Variants in PCDHA5 observed in about 807,000 individuals in gnomAD.
PCDHA5 encodes protocadherin alpha 5, also known as protocadherin alpha-5.
A neutral mutation model predicts 61.6 loss-of-function variants in PCDHA5; 43 were observed. The observed-to-expected ratio is 0.70, with a 90% CI of 0.55 to 0.90. PCDHA5 has a LOEUF of 0.90. Ranked by LOEUF, PCDHA5 falls within the 40% of genes least tolerant of loss-of-function variation. The pLI, the probability that PCDHA5 is intolerant of heterozygous loss-of-function variation, is 0.00. For synonymous variants in PCDHA5, 627 were observed against 543.9 expected (o/e 1.15, Z -2.13); for missense variants, 1,298 against 1,222.7 (o/e 1.06, Z -0.92).
At chr5:140,862,433 G>A (rs781821294) in intron 1 of PCDHA5, 31 of 354,884 alleles carry the variant, frequency 8.7e-5, no homozygotes, top group Admixed American at 2.6e-4. Context: ...GAAACTATTC[G>A]TTGGTACTCC....
At position 140,830,020 on chromosome 5, in the gene PCDHA5, G is replaced by C. The variant is rs2150179706; in HGVS notation, c.2352+5893G>C. On this transcript the variant is annotated intron_variant, in intron 1 of 3. Transcript: ENST00000529859. ...GTGTCCTGGACGAAGCGGACTCTCC[G>C]CGCCACCGGCTGCTGGTGCTGGTGA... 3 of 1,613,872 alleles carry C rather than the reference G, an allele frequency of 1.9e-6. No homozygotes were observed. The East Asian group carries it at 6.7e-5, about 36-fold the overall frequency.
At chr5:140,942,527 AACTC>A (rs1420689882) in intron 1 of PCDHA5, among the ~76,000 whole-genome samples, 2 of 152,162 alleles carry the variant, frequency 1.3e-5, no homozygotes, top group Non-Finnish European at 2.9e-5. Flanking sequence ...GGAAGCAACT[AACTC>A]AGTATGGTGG....
chr5:140,895,786 A>G (rs2065159984), intron 1 of PCDHA5, among the ~76,000 whole-genome samples: 2 of 152,080 alleles, frequency 1.3e-5, no homozygotes, highest in Non-Finnish European at 2.9e-5. Context: ...GTATTCAATG[A>G]CGTATATGTA....
At chr5:140,870,692 T>C (rs1321391908) in intron 1 of PCDHA5, 2 of 1,612,828 alleles carry the variant, frequency 1.2e-6, no homozygotes, top group African/African-American at 1.3e-5. Flanking sequence ...CTGGAGCTGC[T>C]ACAGTTCCAG....
intron 1 of PCDHA5, among the ~76,000 whole-genome samples, chr5:140,954,014 A>G (rs782347890): frequency 1.3e-5 from 2 of 152,038 alleles, no homozygotes; most frequent in African/African-American, 4.8e-5. Context: ...CAGCTCCCAC[A>G]CATAGTGGGA....
intron 1 of PCDHA5, among the ~76,000 whole-genome samples, chr5:140,920,225 G>A (rs80019196): frequency 2.9e-3 from 441 of 151,762 alleles, no homozygotes; most frequent in African/African-American, 0.01. Flanking sequence ...CACATTTATA[G>A]TATTATATAC....
intron 1 of PCDHA5, among the ~76,000 whole-genome samples, chr5:140,900,338 C>T (rs145242611): frequency 0.027 from 4,159 of 152,082 alleles, 89 homozygotes; most frequent in Non-Finnish European, 0.044. Flanking sequence ...AGTACCGTGG[C>T]GCAATCTTGG....
At chr5:141,000,415 A>T (rs1462372394) in intron 3 of PCDHA5, among the ~76,000 whole-genome samples, 8 of 87,370 alleles carry the variant, frequency 9.2e-5, no homozygotes, top group African/African-American at 2.5e-4. Flanking sequence ...ATATATATAT[A>T]TATATATTTT....
intron 1 of PCDHA5, among the ~76,000 whole-genome samples, chr5:140,840,883 G>A (rs1212935487): frequency 2.6e-5 from 4 of 151,906 alleles, no homozygotes; most frequent in Non-Finnish European, 5.9e-5. Context: ...TTACATTTCT[G>A]ATATCCATGA....
intron 1 of PCDHA5, among the ~76,000 whole-genome samples, chr5:140,908,903 C>T (rs116633080): frequency 2.5e-3 from 374 of 152,278 alleles, no homozygotes; most frequent in African/African-American, 8.5e-3. Context: ...AAGCCTCTTT[C>T]GTGGTTGTAG....
intron 1 of PCDHA5, among the ~76,000 whole-genome samples, chr5:140,827,019 A>G (rs139009189): frequency 3.3e-5 from 5 of 152,362 alleles, no homozygotes; most frequent in Admixed American, 3.3e-4. Flanking sequence ...CATTAAAAAT[A>G]TGAATTTAAA....
rs1261636098 is a variant in PCDHA5, at chr5:140,968,913, C to G, written c.2353-10036C>G. 6.8e-6 allele frequency: 11 copies of G among 1,614,036 alleles called. No homozygotes were observed. Among genetic ancestry groups the G allele is most frequent in the Non-Finnish European group, 8.5e-6 (10 of 1,180,044 alleles). On this transcript the variant is annotated intron_variant, in intron 1 of 3. Transcript: ENST00000529859. ...CTAATAATAGCATTAAGCACAGTGT[C>G]TTTTATATTTCTTTTGACAATCATC...
chr5:140,863,074 A>G lies in PCDHA5; in HGVS notation c.2352+38947A>G, dbSNP rs142752367. ...GCACCCGTTCCACGTGGGGCTCTGC[A>G]CGGGCGAGATCAGCACGACGAGTAC... On this transcript the variant is annotated intron_variant, in intron 1 of 3. Transcript: ENST00000529859. The G allele has an allele frequency of 2.9e-3, 1,668 of 569,744 alleles. 11 individuals are homozygous for G. Among genetic ancestry groups the G allele is most frequent in the Middle Eastern group, 0.01 (34 of 3,390 alleles). The allele number at this position is 569,744 out of a possible 1,614,324, so 35.3% of individuals were successfully genotyped here.
chr5:140,917,256 T>C (rs1043140553), intron 1 of PCDHA5, among the ~76,000 whole-genome samples: 6 of 151,524 alleles, frequency 4.0e-5, no homozygotes, highest in African/African-American at 7.3e-5. Context: ...ATTGCTCACC[T>C]GATGTTTGGT....
intron 1 of PCDHA5, chr5:140,843,575 C>T (rs1778980486): frequency 6.3e-7 from 1 of 1,595,908 alleles, no homozygotes; most frequent in Non-Finnish European, 8.6e-7. Flanking sequence ...GTCATACTCG[C>T]AACAACAGCC....
At chr5:140,983,513 C>G (rs893446292) in intron 3 of PCDHA5, among the ~76,000 whole-genome samples, 1 of 152,196 alleles carries the variant, frequency 6.6e-6, no homozygotes, top group South Asian at 2.1e-4. Flanking sequence ...TGCCTAGACA[C>G]TGTGCCAAGT....
At chr5:140,940,139 C>G (rs984432706) in intron 1 of PCDHA5, among the ~76,000 whole-genome samples, 16 of 152,010 alleles carry the variant, frequency 1.1e-4, no homozygotes, top group Admixed American at 1.0e-3. Context: ...TAGTGATAAA[C>G]TATTATAGTT....
At position 140,973,495 on chromosome 5, in the gene PCDHA5, T is replaced by TA. The variant is rs148545809; in HGVS notation, c.2353-5454_2353-5453insA. Among the ~76,000 whole-genome samples, 585 of 152,336 alleles carry TA rather than the reference T, an allele frequency of 3.8e-3. 2 individuals are homozygous for TA. Among genetic ancestry groups the TA allele is most frequent in the African/African-American group, 0.013 (553 of 41,574 alleles). ...AATTTCATATTGGTCACAGGACTCTTCTTCTGAGAAAAAGTTTATTTTCTT... is the reference window on the plus strand; with the variant it reads ...AATTTCATATTGGTCACAGGACTCTTACTTCTGAGAAAAAGTTTATTTTCTT... On this transcript the variant is annotated intron_variant, in intron 1 of 3. Coordinates refer to ENST00000529859, the MANE Select transcript of PCDHA5 (RefSeq NM_018908.3).
rs146090059 is a variant in PCDHA5 at position 140,857,944 on chromosome 5, G to A, written c.2352+33817G>A. 6.4e-5 allele frequency: 102 copies of A among 1,597,474 alleles called. 12 individuals are homozygous for A. The highest frequency in any genetic ancestry group is 5.1e-4 in the Admixed American group (30 of 59,248). ...GGCTGTACACGGGCGAGATCAGTAC[G>A]ACGCGCGCTCTGGATGAGACTGACT... On this transcript the variant is annotated intron_variant, in intron 1 of 3. Coordinates refer to ENST00000529859, the MANE Select transcript of PCDHA5 (RefSeq NM_018908.3).
Sources: allele counts gnomAD v4.1 joint callset (sites outside exome capture counted in the v4.1 genomes callset), GRCh38; gene constraint gnomAD v4.1.1; transcripts MANE v1.5; gene names NCBI Gene and HGNC (gene_info 2026-07-23, HGNC 2026-07-21).